ADGRL2: variants seen among roughly 807,000 people sequenced by gnomAD.
ADGRL2 encodes calcium-independent alpha-latrotoxin receptor 2.
A neutral mutation model predicts 157.4 loss-of-function variants in ADGRL2; 44 were observed. That is an observed-to-expected ratio of 0.28 (90% CI 0.22 to 0.36). ADGRL2 has a LOEUF of 0.36. ADGRL2 is among the 10% of genes least tolerant of loss of function. The probability of loss-of-function intolerance (pLI) is 1.00; values close to 1 mark genes in which losing one functional copy is unlikely to be tolerated. For synonymous variants in ADGRL2, 585 were observed against 624.7 expected (o/e 0.94, Z 0.95); for missense variants, 1,510 against 1,768.9 (o/e 0.85, Z 2.63).
chr1:81,438,286 CTGTT>C (rs1218048853), intron 1 of ADGRL2, among the ~76,000 whole-genome samples: 1 of 152,164 alleles, frequency 6.6e-6, no homozygotes, highest in Non-Finnish European at 1.5e-5. Flanking sequence ...ATTTGGCAAG[CTGTT>C]TGTTCCCCCA....
At chr1:81,562,266 C>T (rs572427658) in intron 2 of ADGRL2, among the ~76,000 whole-genome samples, 8 of 152,228 alleles carry the variant, frequency 5.3e-5, no homozygotes, top group Admixed American at 2.0e-4. Flanking sequence ...GTTTGAGGCT[C>T]TTCCGTAGCT....
intron 3 of ADGRL2, among the ~76,000 whole-genome samples, chr1:81,691,532 C>A (rs540785577): frequency 6.6e-6 from 1 of 151,560 alleles, no homozygotes; most frequent in Non-Finnish European, 1.5e-5. Context: ...GAGTTTCGCT[C>A]TTGTTGCCCA....
chr1:81,811,951 ACTGT>A (rs1455582386), intron 1 of ADGRL2, among the ~76,000 whole-genome samples: 2 of 151,472 alleles, frequency 1.3e-5, no homozygotes, highest in African/African-American at 2.4e-5. Flanking sequence ...CTTGAAATAC[ACTGT>A]CTGAGTATGT....
At chr1:81,722,696 A>G (rs2084373735) in intron 1 of ADGRL2, 1 of 1,091,532 alleles carries the variant, frequency 9.2e-7, no homozygotes. Context: ...ATTGCAGAAG[A>G]AAGTATGAGC....
chr1:81,465,616 C>T (rs1037784664), intron 2 of ADGRL2, among the ~76,000 whole-genome samples: 1 of 151,938 alleles, frequency 6.6e-6, no homozygotes, highest in African/African-American at 2.4e-5. Flanking sequence ...TTCTAGATCC[C>T]GCAAATGTTG....
chr1:81,833,213 T>G (rs1353573220), intron 1 of ADGRL2, among the ~76,000 whole-genome samples: 2 of 152,244 alleles, frequency 1.3e-5, no homozygotes, highest in Non-Finnish European at 2.9e-5. Context: ...ACATAGAATT[T>G]AGGCTTACCT....
intron 2 of ADGRL2, among the ~76,000 whole-genome samples, chr1:81,568,317 G>A (rs1258029575): frequency 1.3e-5 from 2 of 152,108 alleles, no homozygotes; most frequent in African/African-American, 4.8e-5. Flanking sequence ...GGGTTACAGT[G>A]TTATATTCTT....
chr1:81,879,705 A>G (rs2093936431), intron 2 of ADGRL2, among the ~76,000 whole-genome samples: 1 of 152,092 alleles, frequency 6.6e-6, no homozygotes, highest in East Asian at 1.9e-4. Flanking sequence ...GTGAACAAAA[A>G]CAGGTCGTTT....
At chr1:81,838,161 ACGTTTTAATTTTGCT>A (rs1329634272) in intron 2 of ADGRL2, among the ~76,000 whole-genome samples, 2 of 151,962 alleles carry the variant, frequency 1.3e-5, no homozygotes, top group Non-Finnish European at 2.9e-5. Flanking sequence ...CAAAATGTTA[ACGTTTTAATTTTGCT>A]GAAAGAATTT....
Position 81,454,734 on chromosome 1 carries a change from T to C in ADGRL2, c.-248+9645T>C, listed in dbSNP as rs7533159. ...CATAACATTTAGATATCAAGAGCGA[T>C]CCTTTCATCATCCGGGCCTCCATAA... is the stretch of plus-strand genomic sequence containing the variant. On this transcript the variant is annotated intron_variant, in intron 2 of 24. Coordinates refer to the ADGRL2 transcript ENST00000370721. 7.2e-3 allele frequency among the ~76,000 whole-genome samples: 1,091 copies of C among 152,306 alleles called. 15 individuals are homozygous for C. Among genetic ancestry groups the C allele is most frequent in the African/African-American group, 0.025 (1,046 of 41,560 alleles).
intron 2 of ADGRL2, among the ~76,000 whole-genome samples, chr1:81,580,270 C>A (rs919259679): frequency 6.6e-6 from 1 of 151,824 alleles, no homozygotes; most frequent in Non-Finnish European, 1.5e-5. Context: ...TGCTCACAGA[C>A]AAGGTAGGTT....
intron 1 of ADGRL2, among the ~76,000 whole-genome samples, chr1:81,822,662 G>A (rs973485088): frequency 5.3e-5 from 8 of 151,924 alleles, no homozygotes; most frequent in Non-Finnish European, 8.8e-5. Context: ...ATAGGCCTGC[G>A]CCACCACACT....
chr1:81,628,809 T>A (rs570876734), intron 3 of ADGRL2, among the ~76,000 whole-genome samples: 2 of 152,308 alleles, frequency 1.3e-5, no homozygotes, highest in East Asian at 3.9e-4. Flanking sequence ...AGAATGAATT[T>A]TTTAGGCAAA....
intron 2 of ADGRL2, among the ~76,000 whole-genome samples, chr1:81,865,121 C>T (rs1371778883): frequency 6.6e-6 from 1 of 152,190 alleles, no homozygotes; most frequent in African/African-American, 2.4e-5. Context: ...ACAGGCTTTA[C>T]TCTTACAGAG....
At chr1:81,425,500 C>T (rs2077196578) in intron 1 of ADGRL2, among the ~76,000 whole-genome samples, 1 of 152,140 alleles carries the variant, frequency 6.6e-6, no homozygotes, top group Non-Finnish European at 1.5e-5. Context: ...AAATGAACCC[C>T]ACATGCCTAT....
At chr1:81,393,309 T>C (rs2076592473) in intron 1 of ADGRL2, among the ~76,000 whole-genome samples, 1 of 149,690 alleles carries the variant, frequency 6.7e-6, no homozygotes, top group African/African-American at 2.5e-5. Context: ...GAATAGAGCC[T>C]GGTTATGTAG....
chr1:81,657,154 A>T (rs2082552950), intron 3 of ADGRL2, among the ~76,000 whole-genome samples: 1 of 152,134 alleles, frequency 6.6e-6, no homozygotes, highest in South Asian at 2.1e-4. Flanking sequence ...GTCCTTCCAA[A>T]ACTCATACAT....
Position 81,917,764 on chromosome 1 carries a change from G to T in ADGRL2, c.287+10534G>T, listed in dbSNP as rs543816675. On this transcript the variant is annotated intron_variant, in intron 3 of 23. Transcript: ENST00000686636. Reference sequence around the variant, plus strand: ...GATGATTCCAGTGGTCTTTCTGTTTGTTTTTTCAGACCGCAGATCTGTTAT... The same window carrying T: ...GATGATTCCAGTGGTCTTTCTGTTTTTTTTTTCAGACCGCAGATCTGTTAT... Among the ~76,000 whole-genome samples the T allele has an allele frequency of 1.0e-3, 155 of 152,184 alleles. 1 individual carries two copies. Among genetic ancestry groups the T allele is most frequent in the African/African-American group, 3.6e-3 (149 of 41,558 alleles).
At chr1:81,711,117 G>A (rs12071894) in intron 1 of ADGRL2, among the ~76,000 whole-genome samples, 1 of 152,154 alleles carries the variant, frequency 6.6e-6, no homozygotes, top group African/African-American at 2.4e-5. Flanking sequence ...AAGCTTATCA[G>A]AAAAGTCTTT....
Sources: allele counts gnomAD v4.1 joint callset (sites outside exome capture counted in the v4.1 genomes callset), GRCh38; gene constraint gnomAD v4.1.1; transcripts MANE v1.5; gene names NCBI Gene and HGNC (gene_info 2026-07-23, HGNC 2026-07-21).